The following EPHA6 variants were observed in gnomAD, a reference collection of about 807,000 sequenced individuals.
EPHA6 encodes EPH receptor A6, also known as ephrin type-A receptor 6.
In EPHA6, 50 loss-of-function variants were observed where a neutral mutation model predicts 112.0. That is an observed-to-expected ratio of 0.45 (90% CI 0.36 to 0.56). EPHA6 has a LOEUF of 0.56. EPHA6 is among the 20% of genes least tolerant of loss of function. EPHA6 has a pLI of 0.00. For missense variants in EPHA6, 1,280 were observed against 1,417.4 expected, an observed-to-expected ratio of 0.90 and a Z score of 1.56; for synonymous variants, 529 against 490.7, an observed-to-expected ratio of 1.08 and a Z score of -1.03.
At chr3:97,032,403 C>T (rs1318025985) in intron 3 of EPHA6, among the ~76,000 whole-genome samples, 2 of 151,912 alleles carry the variant, frequency 1.3e-5, no homozygotes, top group Admixed American at 6.6e-5. Flanking sequence ...ACCTATGTAA[C>T]AAACCTGCAC....
intron 15 of EPHA6, among the ~76,000 whole-genome samples, chr3:97,730,097 C>G (rs6793568): frequency 0.98 from 149,371 of 152,202 alleles, 73,317 homozygotes; most frequent in East Asian, 0.99. Context: ...ATACCCTGCA[C>G]AGTCTAAGCA....
chr3:97,232,623 A>G (rs991304671), intron 4 of EPHA6, among the ~76,000 whole-genome samples: 1 of 152,216 alleles, frequency 6.6e-6, no homozygotes, highest in Non-Finnish European at 1.5e-5. Context: ...GCTGAGGGGC[A>G]TAAGTCAGTA....
intron 2 of EPHA6, among the ~76,000 whole-genome samples, chr3:96,921,972 A>G (rs1001489709): frequency 2.0e-5 from 3 of 152,178 alleles, no homozygotes; most frequent in African/African-American, 7.2e-5. Flanking sequence ...AATAATGTGA[A>G]TCAACTGAAG....
intron 2 of EPHA6, among the ~76,000 whole-genome samples, chr3:96,960,310 C>G (rs2041909167): frequency 6.6e-6 from 1 of 152,080 alleles, no homozygotes; most frequent in African/African-American, 2.4e-5. Context: ...CCTCATCTTT[C>G]TCTCTTATTT....
chr3:97,698,699 T>C (rs987314995), intron 14 of EPHA6, among the ~76,000 whole-genome samples: 1 of 152,236 alleles, frequency 6.6e-6, no homozygotes, highest in African/African-American at 2.4e-5. Flanking sequence ...CATCTAAATC[T>C]TGAATATGGC....
intron 3 of EPHA6, among the ~76,000 whole-genome samples, chr3:97,122,652 G>A (rs2048072559): frequency 6.6e-6 from 1 of 152,122 alleles, no homozygotes; most frequent in Non-Finnish European, 1.5e-5. Flanking sequence ...ATAAAAAGCT[G>A]AAAGATTACA....
intron 3 of EPHA6, among the ~76,000 whole-genome samples, chr3:96,995,545 G>C (rs1004658791): frequency 1.1e-4 from 17 of 152,178 alleles, no homozygotes; most frequent in African/African-American, 3.9e-4. Flanking sequence ...AGCAAGAAAG[G>C]ATAAAGTTGA....
chr3:97,367,108 C>A (rs1187597950), intron 5 of EPHA6, among the ~76,000 whole-genome samples: 1 of 152,124 alleles, frequency 6.6e-6, no homozygotes, highest in Non-Finnish European at 1.5e-5. Context: ...GTGTCTTACT[C>A]CAGGACCCAT....
At chr3:97,327,084 G>T (rs1178840986) in intron 5 of EPHA6, among the ~76,000 whole-genome samples, 2 of 151,888 alleles carry the variant, frequency 1.3e-5, no homozygotes, top group Non-Finnish European at 2.9e-5. Context: ...GCCTGAAACC[G>T]GTAACCTTTA....
intron 14 of EPHA6, among the ~76,000 whole-genome samples, chr3:97,719,316 T>C (rs975184567): frequency 1.3e-5 from 2 of 152,034 alleles, no homozygotes; most frequent in Middle Eastern, 3.4e-3. Flanking sequence ...CTGTCAAAAA[T>C]AATTTTTGTT....
At chr3:96,939,758 C>G (rs1473087348) in intron 2 of EPHA6, among the ~76,000 whole-genome samples, 1 of 152,196 alleles carries the variant, frequency 6.6e-6, no homozygotes, top group East Asian at 1.9e-4. Flanking sequence ...AAATTTCCCT[C>G]TACACATTGC....
At chr3:97,299,404 G>A (rs992551285) in intron 5 of EPHA6, among the ~76,000 whole-genome samples, 41 of 152,226 alleles carry the variant, frequency 2.7e-4, no homozygotes, top group African/African-American at 9.6e-4. Context: ...ATGCTCCAAG[G>A]ATTAAAGAGC....
intron 5 of EPHA6, among the ~76,000 whole-genome samples, chr3:97,385,717 C>G (rs2109037676): frequency 6.6e-6 from 1 of 152,296 alleles, no homozygotes; most frequent in Admixed American, 6.5e-5. Context: ...GTACAGGCTC[C>G]TGCTTCTGGG....
At chr3:96,890,985 G>A (rs1205498952) in intron 2 of EPHA6, among the ~76,000 whole-genome samples, 2 of 152,176 alleles carry the variant, frequency 1.3e-5, no homozygotes, top group Non-Finnish European at 2.9e-5. Context: ...TACTTGAGAG[G>A]TTGAGGCAGG....
At chr3:97,179,536 G>A (rs1361796486) in intron 3 of EPHA6, among the ~76,000 whole-genome samples, 1 of 152,072 alleles carries the variant, frequency 6.6e-6, no homozygotes, top group Non-Finnish European at 1.5e-5. Context: ...TATTTGAAAA[G>A]ACTTGGGTGT....
intron 2 of EPHA6, among the ~76,000 whole-genome samples, chr3:96,940,527 A>G (rs1418677820): frequency 6.6e-6 from 1 of 152,130 alleles, no homozygotes; most frequent in Non-Finnish European, 1.5e-5. Flanking sequence ...AATACAGCAC[A>G]CTGATGGGTC....
chr3:97,671,158 C>A (rs1020997699), intron 14 of EPHA6, among the ~76,000 whole-genome samples: 9 of 152,110 alleles, frequency 5.9e-5, no homozygotes, highest in African/African-American at 2.2e-4. Context: ...GAGGTTTGTG[C>A]TAAACTTGGC....
intron 7 of EPHA6, among the ~76,000 whole-genome samples, chr3:97,449,936 C>T (rs936338285): frequency 6.6e-6 from 1 of 152,088 alleles, no homozygotes; most frequent in Non-Finnish European, 1.5e-5. Flanking sequence ...ACAGTATTCA[C>T]ATGTAAGAAC....
intron 11 of EPHA6, among the ~76,000 whole-genome samples, chr3:97,544,523 T>A (rs1329796104): frequency 6.6e-6 from 1 of 152,244 alleles, no homozygotes; most frequent in Non-Finnish European, 1.5e-5. Flanking sequence ...TTTGCATCGA[T>A]GTTCATCAAG....
Sources: allele counts gnomAD v4.1 joint callset (sites outside exome capture counted in the v4.1 genomes callset), GRCh38; gene constraint gnomAD v4.1.1; transcripts MANE v1.5; gene names NCBI Gene and HGNC (gene_info 2026-07-23, HGNC 2026-07-21).